CDK6: variants seen among roughly 807,000 people sequenced by gnomAD.
The protein encoded by CDK6 is cyclin dependent kinase 6, also known as cyclin-dependent kinase 6.
CDK6 carries 6 observed loss-of-function variants against 37.1 expected under a neutral mutation model. The ratio of observed to expected loss-of-function variants is 0.16; its 90% CI spans 0.09 to 0.32. The LOEUF (loss-of-function observed/expected upper bound fraction) is 0.32, where lower values mean the gene tolerates loss of function less well. CDK6 is among the 10% of genes least tolerant of loss of function. CDK6 has a pLI of 1.00. For missense variants in CDK6, 224 were observed against 418.9 expected (o/e 0.53, Z 4.06); for synonymous variants, 160 against 161.3 (o/e 0.99, Z 0.06).
chr7:92,824,460 A>C (rs753886364), intron 2 of CDK6, among the ~76,000 whole-genome samples: 1 of 152,180 alleles, frequency 6.6e-6, no homozygotes, highest in African/African-American at 2.4e-5. Context: ...ATCAGTTTTG[A>C]CAATGTGTTC....
chr7:92,774,569 A>T (rs1404067510), intron 3 of CDK6, 127 bp downstream of exon 3: 1 of 797,104 alleles, frequency 1.3e-6, no homozygotes. Context: ...ATTTTCTTTG[A>T]TTTTTTTAAC....
At chr7:92,717,437 A>AG (rs1319212787) in intron 4 of CDK6, among the ~76,000 whole-genome samples, 1 of 150,902 alleles carries the variant, frequency 6.6e-6, no homozygotes, top group African/African-American at 2.4e-5. Context: ...GAGGGAAGGA[A>AG]GAAAGGAAGG....
At chr7:92,758,619 C>G (rs1265478072) in intron 3 of CDK6, among the ~76,000 whole-genome samples, 1 of 152,150 alleles carries the variant, frequency 6.6e-6, no homozygotes, top group African/African-American at 2.4e-5. Flanking sequence ...TATTCAGGCT[C>G]TGTTTTGATT....
chr7:92,719,624 C>A (rs1724437190), intron 4 of CDK6, among the ~76,000 whole-genome samples: 1 of 152,084 alleles, frequency 6.6e-6, no homozygotes, highest in Admixed American at 6.6e-5. Flanking sequence ...CATTATGGTA[C>A]AAAGAGGAAT....
At chr7:92,746,735 C>T (rs191467389) in intron 3 of CDK6, among the ~76,000 whole-genome samples, 1 of 152,220 alleles carries the variant, frequency 6.6e-6, no homozygotes, top group East Asian at 1.9e-4. Context: ...AACAGTCTCA[C>T]CAACACCTGA....
intron 2 of CDK6, among the ~76,000 whole-genome samples, chr7:92,820,463 G>A (rs748207129): frequency 2.0e-5 from 3 of 152,024 alleles, no homozygotes; most frequent in Non-Finnish European, 4.4e-5. Context: ...GTTGCAGTAC[G>A]GAACAGAATG....
intron 2 of CDK6, among the ~76,000 whole-genome samples, chr7:92,789,325 T>C (rs564288116): frequency 6.6e-6 from 1 of 152,078 alleles, no homozygotes; most frequent in South Asian, 2.1e-4. Context: ...AAAAGAACAT[T>C]AGACAGTAAC....
chr7:92,648,379 G>A (rs1796497644), intron 5 of CDK6, among the ~76,000 whole-genome samples: 1 of 152,072 alleles, frequency 6.6e-6, no homozygotes, highest in Non-Finnish European at 1.5e-5. Flanking sequence ...CAAAAAATGG[G>A]GACTTTTTAG....
intron 2 of CDK6, among the ~76,000 whole-genome samples, chr7:92,801,766 C>T (rs1262695871): frequency 6.6e-6 from 1 of 152,044 alleles, no homozygotes; most frequent in Non-Finnish European, 1.5e-5. Context: ...GGCCCACAGG[C>T]GTGCGCCATC....
intron 4 of CDK6, among the ~76,000 whole-genome samples, chr7:92,676,333 T>C (rs931928635): frequency 6.6e-6 from 1 of 152,160 alleles, no homozygotes; most frequent in African/African-American, 2.4e-5. Flanking sequence ...TCTACTTTTA[T>C]TGAATTACAA....
intron 5 of CDK6, among the ~76,000 whole-genome samples, chr7:92,656,719 A>T (rs1796707903): frequency 6.6e-6 from 1 of 152,184 alleles, no homozygotes. Context: ...TAGGGCTATG[A>T]AGTACCTCCT....
At position 92,832,027 on chromosome 7, in the gene CDK6, C is replaced by A. The variant is rs377304471; in HGVS notation, c.233+1064G>T. Among the ~76,000 whole-genome samples, 10 of 152,184 alleles carry A rather than the reference C, an allele frequency of 6.6e-5. No individual in the cohort carries two copies. In the East Asian group the frequency reaches 1.7e-3, roughly 26 times the overall value. On this transcript the variant is annotated intron_variant, in intron 2 of 7. Transcript: ENST00000424848. ...AGGCATGTATTTGTTGAACAGAAGCCCTAAATGGATGAGAAAAAAGATATT... is the reference window on the plus strand; with the variant it reads ...AGGCATGTATTTGTTGAACAGAAGCACTAAATGGATGAGAAAAAAGATATT...
chr7:92,630,517 A>C (rs917276666), intron 5 of CDK6, among the ~76,000 whole-genome samples: 1 of 152,198 alleles, frequency 6.6e-6, no homozygotes, highest in Non-Finnish European at 1.5e-5. Flanking sequence ...TTTTAGAACC[A>C]GGAAAATAAA....
At chr7:92,824,654 A>G (rs1801264083) in intron 2 of CDK6, among the ~76,000 whole-genome samples, 1 of 152,142 alleles carries the variant, frequency 6.6e-6, no homozygotes, top group South Asian at 2.1e-4. Flanking sequence ...TCACAACGTG[A>G]GGTGGAATGA....
chr7:92,634,717 A>G (rs924797917), intron 5 of CDK6, among the ~76,000 whole-genome samples: 2 of 152,074 alleles, frequency 1.3e-5, no homozygotes, highest in African/African-American at 4.8e-5. Context: ...TATCTCAATC[A>G]AGTTTTATAG....
intron 3 of CDK6, among the ~76,000 whole-genome samples, chr7:92,739,196 G>A (rs1007125950): frequency 2.6e-5 from 4 of 152,080 alleles, no homozygotes; most frequent in Non-Finnish European, 5.9e-5. Flanking sequence ...TACTTCTCAA[G>A]ACTGTCTTAA....
At chr7:92,707,901 C>A (rs531026248) in intron 4 of CDK6, among the ~76,000 whole-genome samples, 1 of 152,242 alleles carries the variant, frequency 6.6e-6, no homozygotes, top group East Asian at 1.9e-4. Flanking sequence ...AGCAGATGAG[C>A]AGATGGAGGA....
intron 2 of CDK6, among the ~76,000 whole-genome samples, chr7:92,785,408 G>A (rs1173923377): frequency 6.6e-6 from 1 of 152,102 alleles, no homozygotes; most frequent in African/African-American, 2.4e-5. Context: ...GAGGAATGGG[G>A]ACTGATAATG....
At chr7:92,646,689 C>T (rs1186532803) in intron 5 of CDK6, among the ~76,000 whole-genome samples, 2 of 151,142 alleles carry the variant, frequency 1.3e-5, no homozygotes, top group Non-Finnish European at 2.9e-5. Context: ...TGAGCCACTG[C>T]GCCTGGCCAG....
Sources: allele counts gnomAD v4.1 joint callset (sites outside exome capture counted in the v4.1 genomes callset), GRCh38; gene constraint gnomAD v4.1.1; transcripts MANE v1.5; gene names NCBI Gene and HGNC (gene_info 2026-07-23, HGNC 2026-07-21).